Variants in ZSCAN18 observed in about 807,000 individuals in gnomAD.
ZSCAN18 encodes the protein zinc finger and SCAN domain-containing protein 18.
ZSCAN18 carries 16 observed loss-of-function variants against 31.1 expected under a neutral mutation model. That is an observed-to-expected ratio of 0.51 (90% CI 0.35 to 0.78). The LOEUF is 0.78. Ranked by LOEUF, ZSCAN18 falls within the 30% of genes least tolerant of loss-of-function variation. The probability of loss-of-function intolerance (pLI) is 0.01; values close to 1 mark genes in which losing one functional copy is unlikely to be tolerated. For missense variants in ZSCAN18, 731 were observed against 697.4 expected (o/e 1.05, Z -0.54); for synonymous variants, 375 against 320.7 (o/e 1.17, Z -1.81).
chr19:58,085,577 T>TG, intron 6 of ZSCAN18, 198 bp from the exon 7 acceptor site: 1 of 545,084 alleles, frequency 1.8e-6, no homozygotes, highest in Non-Finnish European at 3.2e-6. Context: ...GCTGCAGATG[T>TG]GGGACCTGGA....
chr19:58,085,171 C>T lies in ZSCAN18; in HGVS notation c.1047G>A (p.Ser349=), dbSNP rs1322602880. ...QDAESDSATG[S]QRQSVIQQPA... is the part of the protein sequence containing the mutation. ...GCTGCTGGATGACGGACTGCCTCTG[C>T]GATCCGGTGGCAGAGTCGGACTCCG... The change falls in exon 7 of 7, where the codon TCG becomes TCA. Residue 349 remains serine, a synonymous_variant. Coordinates refer to ENST00000601144, the MANE Select transcript of ZSCAN18 (RefSeq NM_001145543.2). 3.7e-6 allele frequency: 6 copies of T among 1,610,692 alleles called. No homozygotes were observed. The highest frequency in any genetic ancestry group is 1.7e-5 in the Admixed American group (1 of 59,882).
upstream of ZSCAN18, among the ~76,000 whole-genome samples, chr19:58,101,326 T>TC (rs2074592625): frequency 7.4e-6 from 1 of 134,710 alleles, no homozygotes; most frequent in African/African-American, 2.7e-5. Context: ...TTTTTTTGTA[T>TC]TTTTAGTAGA....
chr19:58,093,696 T>C (rs1217419373), intron 1 of ZSCAN18, among the ~76,000 whole-genome samples: 3 of 152,226 alleles, frequency 2.0e-5, no homozygotes, highest in Non-Finnish European at 4.4e-5. Flanking sequence ...TCCCCATCTG[T>C]GGCTTGTCTT....
At position 58,085,054 on chromosome 19, in the gene ZSCAN18, G is replaced by A. The variant is rs754502510; in HGVS notation, c.1164C>T (p.Ser388=). The A allele has an allele frequency of 1.6e-5, 25 of 1,598,516 alleles. No individual in the cohort carries two copies. Among genetic ancestry groups the A allele is most frequent in the Middle Eastern group, 3.3e-4 (2 of 6,014 alleles). ...DGQSLEGVSS[S]GDSAGLEAGQ... is the part of the protein sequence containing the mutation. ...CGGCCTCCAGCCCTGCGCTGTCGCC[G>A]GAGCTAGAGACGCCCTCGAGGCTCT... The change falls in exon 7 of 7, where the codon TCC becomes TCT. Residue 388 remains serine (S), a synonymous_variant. Coordinates refer to ENST00000601144, the MANE Select transcript of ZSCAN18 (RefSeq NM_001145543.2).
Position 58,107,970 on chromosome 19 carries a change from G to A in ZSCAN18, c.130+10297C>T, listed in dbSNP as rs143054091. ...AGTCCTCTGGTGCCAGATGAGGCCC[G>A]CGATGTTCCTGAAAAGTTTGACACT... On this transcript the variant is annotated intron_variant, in intron 1 of 1. Coordinates refer to the ZSCAN18 transcript ENST00000595721. The A allele has an allele frequency of 1.9e-4, 199 of 1,055,626 alleles. No individual in the cohort carries two copies. In the African/African-American group the frequency reaches 2.7e-3, roughly 14 times the overall value. The allele number at this position is 1,055,626 out of a possible 1,614,324, so 65.4% of individuals were successfully genotyped here.
In ZSCAN18 at chr19:58,098,189, C is replaced by G; in HGVS notation, c.-135G>C. 9.1e-6 allele frequency: 9 copies of G among 985,542 alleles called. No homozygotes were observed. Among genetic ancestry groups the G allele is most frequent in the Non-Finnish European group, 1.1e-5 (9 of 830,030 alleles). 61.0% of individuals were successfully genotyped at this position (985,542 alleles called of 1,614,324 possible). A position where few individuals can be genotyped will look rare whatever the true frequency, so the allele number is the denominator to read the frequency against. ...ACCGACCCACCTGCTGCGCAGCTAC[C>G]CCAGGCCGGTCCCAGCCGCCCGGAG... On this transcript the variant is annotated 5_prime_UTR_variant, in exon 1 of 7. Transcript: ENST00000601144.
chr19:58,108,834 C>T (rs1161217832), intron 1 of ZSCAN18: 3 of 905,344 alleles, frequency 3.3e-6, no homozygotes, highest in Non-Finnish European at 3.8e-6. Context: ...ACCTTCGTTA[C>T]ATTTTGAAGG....
chr19:58,086,965 C>T lies in ZSCAN18; in HGVS notation c.686G>A (p.Trp229Ter). The change falls in exon 5 of 7, where the codon TGG becomes TAG. Residue 229 changes from tryptophan to a stop codon, truncating the protein, a stop_gained. Transcript: ENST00000601144. LOFTEE classifies it high-confidence loss of function. ...FPEDPQHLGE[W>*]GHLDPAEENL... ...CTCCTCGGCAGGGTCCAGGTGGCCC[C>T]ACTCCCCCAGGTGCTGAGGGTCCTC... 2 of 1,613,978 alleles carry T rather than the reference C, an allele frequency of 1.2e-6. No individual in the cohort carries two copies. Among genetic ancestry groups the T allele is most frequent in the Non-Finnish European group, 1.7e-6 (2 of 1,179,986 alleles).
chr19:58,086,387 C>T, intron 5 of ZSCAN18, 121 bp from the exon 6 acceptor site: 1 of 833,116 alleles, frequency 1.2e-6, no homozygotes, highest in South Asian at 1.7e-5. Flanking sequence ...GTACTGGGAC[C>T]CCCACCAAGG....
intron 1 of ZSCAN18, among the ~76,000 whole-genome samples, chr19:58,094,390 G>A (rs1193930138): frequency 8.0e-5 from 12 of 149,456 alleles, no homozygotes; most frequent in Non-Finnish European, 1.0e-4. Flanking sequence ...CAGCCTGAGC[G>A]ACAGAGTGAG....
chr19:58,101,299 ATTTTTTTTTT>A (rs71188078), upstream of ZSCAN18, among the ~76,000 whole-genome samples: 8 of 108,412 alleles, frequency 7.4e-5, no homozygotes, highest in African/African-American at 2.2e-4. Flanking sequence ...TGCCCAGCTA[ATTTTTTTTTT>A]TTTTTTTTTT....
rs531965431 is a variant in ZSCAN18, at chr19:58,087,168, C to T, written c.642+148G>A. 1.8e-3 allele frequency: 1,871 copies of T among 1,022,366 alleles called. 3 individuals carry two copies. The highest frequency in any genetic ancestry group is 2.4e-3 in the Non-Finnish European group (1,689 of 703,866). 63.3% of individuals were successfully genotyped at this position (1,022,366 alleles called of 1,614,324 possible). A position where few individuals can be genotyped will look rare whatever the true frequency, so the allele number is the denominator to read the frequency against. On this transcript the variant is annotated intron_variant, in intron 4 of 6. Transcript: ENST00000601144. ...AGCCCCCTTCGCACCACAAAGATTC[C>T]GCCCTCACGCTCCCACCAGGGTGGG...
In ZSCAN18 at chr19:58,098,188, C is replaced by G. The variant is rs1388333240; in HGVS notation, c.-134G>C. 2.0e-6 allele frequency: 2 copies of G among 985,524 alleles called. No homozygotes were observed. Among genetic ancestry groups the G allele is most frequent in the East Asian group, 2.3e-4 (2 of 8,774 alleles). The allele number at this position is 985,524 out of a possible 1,614,324, so 61.0% of individuals were successfully genotyped here. A position where few individuals can be genotyped will look rare whatever the true frequency, so the allele number is the denominator to read the frequency against. The stretch of plus-strand genomic sequence containing the variant: ...GACCGACCCACCTGCTGCGCAGCTA[C>G]CCCAGGCCGGTCCCAGCCGCCCGGA... On this transcript the variant is annotated 5_prime_UTR_variant, in exon 1 of 7. Coordinates refer to ENST00000601144, the MANE Select transcript of ZSCAN18 (RefSeq NM_001145543.2).
At chr19:58,107,829 T>TA in intron 1 of ZSCAN18, 1 of 1,008,170 alleles carries the variant, frequency 9.9e-7, no homozygotes. Context: ...TTTCCCACAC[T>TA]AGACACACTG....
chr19:58,087,103 C>T, intron 4 of ZSCAN18, 95 bp from the exon 5 acceptor site: 1 of 1,169,694 alleles, frequency 8.5e-7, no homozygotes. Context: ...TAGGAGCCAG[C>T]CCTGGCCAGG....
chr19:58,091,764 T>C (rs1452761378), intron 1 of ZSCAN18, among the ~76,000 whole-genome samples: 1 of 152,146 alleles, frequency 6.6e-6, no homozygotes, highest in Admixed American at 6.6e-5. Context: ...CGGGCTCTCA[T>C]GTCACTGGCT....
At chr19:58,086,865 G>T (rs1599952981) in intron 5 of ZSCAN18, 41 bp downstream of exon 5, 1 of 1,512,524 alleles carries the variant, frequency 6.6e-7, no homozygotes, top group Non-Finnish European at 9.2e-7. Flanking sequence ...TGCGGAAGGG[G>T]ATGGGGAGTG....
At chr19:58,096,628 T>C (rs1003760393) in intron 1 of ZSCAN18, among the ~76,000 whole-genome samples, 3 of 152,140 alleles carry the variant, frequency 2.0e-5, no homozygotes, top group African/African-American at 7.2e-5. Context: ...CCTGGCCACC[T>C]GAGGAATATT....
chr19:58,090,524 TCA>T lies in ZSCAN18; in HGVS notation c.-119-140_-119-139del. 1.4e-6 allele frequency: 1 copy of T among 720,198 alleles called. No individual in the cohort carries two copies. Among genetic ancestry groups the T allele is most frequent in the Non-Finnish European group, 2.2e-6 (1 of 445,162 alleles). The allele number at this position is 720,198 out of a possible 1,614,324, so 44.6% of individuals were successfully genotyped here. ...CCGCTTGTTAGGCATCAGTAGAACC[TCA>T]GTGTTGTACTCATGTAGATAAAAAG... On this transcript the variant is annotated intron_variant, in intron 1 of 6. Transcript: ENST00000601144. This position sits in a 1 kb window ranked among gnomAD's most constrained non-coding sequence, Gnocchi z 4.7.
Sources: gnomAD v4.1 joint callset for allele counts (sites outside exome capture counted in the v4.1 genomes callset) on GRCh38, gnomAD v4.1.1 for gene constraint, Gnocchi (gnomAD v3.1) non-coding constraint, MANE v1.5 for transcripts, NCBI Gene and HGNC (gene_info 2026-07-23, HGNC 2026-07-21) for gene names.